Variants in POLA1 observed in about 807,000 individuals in gnomAD.
POLA1 encodes DNA polymerase alpha catalytic subunit.
POLA1 carries 15 observed loss-of-function variants against 124.0 expected under a neutral mutation model. The observed-to-expected ratio is 0.12, with a 90% CI of 0.08 to 0.19. The LOEUF (loss-of-function observed/expected upper bound fraction) is 0.19. POLA1 is among the 10% of genes least tolerant of loss of function. The pLI is 1.00. For missense variants in POLA1, 886 were observed against 1,103.4 expected (o/e 0.80, Z 2.79); for synonymous variants, 408 against 389.4 (o/e 1.05, Z -0.56).
chrX:24,800,771 A>G (rs1298155845), intron 26 of POLA1, among the ~76,000 whole-genome samples: 5 of 112,299 alleles, frequency 4.5e-5, no homozygotes, highest in Non-Finnish European at 5.6e-5. Flanking sequence ...ATAAATAGTC[A>G]TGCTGGGGAC....
chrX:24,960,103 C>T (rs1251888210), intron 36 of POLA1, among the ~76,000 whole-genome samples: 2 of 111,219 alleles, frequency 1.8e-5, no homozygotes, highest in African/African-American at 6.5e-5. Context: ...CCACAGTGTC[C>T]GGTTAGATTC....
chrX:24,883,281 T>C (rs1299799694), intron 34 of POLA1, among the ~76,000 whole-genome samples: 1 of 112,355 alleles, frequency 8.9e-6, no homozygotes, highest in Non-Finnish European at 1.9e-5. Flanking sequence ...AAATATTTTC[T>C]CCCATTCTGT....
intron 34 of POLA1, among the ~76,000 whole-genome samples, chrX:24,859,115 A>G (rs771861696): frequency 1.3e-4 from 14 of 111,280 alleles, no homozygotes; most frequent in Non-Finnish European, 1.7e-4. Flanking sequence ...CTTTAATTCA[A>G]TTCCTGGTCA....
intron 26 of POLA1, among the ~76,000 whole-genome samples, chrX:24,801,915 AGGTG>A (rs1312651067): frequency 4.2e-4 from 20 of 47,356 alleles, no homozygotes; most frequent in African/African-American, 1.3e-3. Flanking sequence ...CCACTAGGAG[AGGTG>A]GGTGGGTGTG....
intron 26 of POLA1, among the ~76,000 whole-genome samples, chrX:24,752,939 G>T (rs1166495736): frequency 9.0e-6 from 1 of 111,487 alleles, no homozygotes; most frequent in Admixed American, 9.5e-5. Context: ...AAAGGGAATT[G>T]GAAATGATTT....
intron 36 of POLA1, among the ~76,000 whole-genome samples, chrX:24,934,836 C>T (rs145558680): frequency 7.1e-5 from 8 of 112,035 alleles, no homozygotes; most frequent in Non-Finnish European, 1.1e-4. Context: ...AATTTTCCTG[C>T]CTCAGCCTCC....
chrX:24,920,447 T>C (rs1210066583), intron 35 of POLA1, among the ~76,000 whole-genome samples: 6 of 110,966 alleles, frequency 5.4e-5, no homozygotes, highest in African/African-American at 2.0e-4. Context: ...GTGAGGGAGG[T>C]ACCAGGTGCA....
chrX:24,756,690 G>A (rs1282430386), intron 26 of POLA1, among the ~76,000 whole-genome samples: 1 of 111,661 alleles, frequency 9.0e-6, no homozygotes, highest in Admixed American at 9.5e-5. Flanking sequence ...GTGTGTCTGT[G>A]CATATGTGTA....
chrX:24,815,067 G>T lies in POLA1; in HGVS notation c.3385G>T (p.Val1129Leu), dbSNP rs764572759. The T allele has an allele frequency of 3.4e-6, 4 of 1,192,792 alleles. No homozygotes were observed. Among genetic ancestry groups the T allele is most frequent in the Non-Finnish European group, 4.5e-6 (4 of 883,909 alleles). Residue 1129 changes from valine to leucine, a missense_variant, in exon 30 of 37, where the codon GTG (valine) becomes TTG (leucine). Around this residue, in one of 7 missense-constraint regions of POLA1, gnomAD observed 313 missense variants for 359.7 expected, o/e 0.87. Coordinates refer to ENST00000379068, the MANE Select transcript of POLA1 (RefSeq NM_001330360.2). The stretch of plus-strand genomic sequence containing the variant: ...GAGGCTGATAGAAATTGGAGAAAAT[G>T]TGCTAAATGGCAGTGTCCCAGTGAG... Reference protein sequence around the residue: ...QKRLIEIGENVLNGSVPVSQF... With the variant: ...QKRLIEIGENLLNGSVPVSQF...
intron 14 of POLA1, 31 bp from the exon 15 acceptor site, chrX:24,727,751 C>T: frequency 8.8e-7 from 1 of 1,133,201 alleles, no homozygotes. Flanking sequence ...CAGTAAATAG[C>T]TATTGATCTG....
In POLA1 at chrX:24,834,447, GTTTATC is replaced by G. The variant is rs2046314339; in HGVS notation, c.3737-7200_3737-7195del. Among the ~76,000 whole-genome samples, 3 of 112,020 alleles carry G rather than the reference GTTTATC, an allele frequency of 2.7e-5. No homozygotes were observed. In the Admixed American group the frequency reaches 2.8e-4, roughly 11 times the overall value. ...TTGTCTGACACTTATACAGTAAATT[GTTTATC>G]TTTAAATTGGATCTGTAGTATTTTA... On this transcript the variant is annotated intron_variant, in intron 32 of 36. Transcript: ENST00000379068.
intron 36 of POLA1, among the ~76,000 whole-genome samples, chrX:24,932,244 A>G (rs1166851986): frequency 1.8e-5 from 2 of 112,194 alleles, no homozygotes; most frequent in Non-Finnish European, 3.8e-5. Flanking sequence ...ATTGTTTTCT[A>G]TATGTTATTT....
intron 32 of POLA1, among the ~76,000 whole-genome samples, chrX:24,837,558 G>T (rs2046358052): frequency 8.9e-6 from 1 of 111,844 alleles, no homozygotes. Flanking sequence ...GCTGCTATGA[G>T]CATTCTGTGG....
intron 34 of POLA1, among the ~76,000 whole-genome samples, chrX:24,875,177 C>T (rs2046915072): frequency 9.0e-6 from 1 of 110,997 alleles, no homozygotes; most frequent in Non-Finnish European, 1.9e-5. Flanking sequence ...GAACAGAAGC[C>T]ACAAAAGAAG....
chrX:24,694,656 C>T (rs1159872827), intron 1 of POLA1, among the ~76,000 whole-genome samples: 2 of 112,142 alleles, frequency 1.8e-5, no homozygotes, highest in Admixed American at 9.5e-5. Context: ...TATATCACTC[C>T]GTTTGTCAGG....
At chrX:24,947,391 C>T (rs2047979902) in intron 36 of POLA1, among the ~76,000 whole-genome samples, 1 of 104,932 alleles carries the variant, frequency 9.5e-6, no homozygotes. Context: ...CTTAAGCCTC[C>T]CAAGTAGCTG....
intron 31 of POLA1, among the ~76,000 whole-genome samples, chrX:24,824,049 C>T (rs754749771): frequency 1.4e-4 from 16 of 111,769 alleles, no homozygotes; most frequent in Non-Finnish European, 2.1e-4. Flanking sequence ...GCCCACTTGT[C>T]TCCAGTTTAA....
At position 24,950,017 on chromosome X, in the gene POLA1, C is replaced by T. The variant is rs180881279; in HGVS notation, c.4261+19468C>T. 1.8e-3 allele frequency among the ~76,000 whole-genome samples: 198 copies of T among 111,957 alleles called. 1 individual carries two copies. The highest frequency in any genetic ancestry group is 2.5e-3 in the Non-Finnish European group (131 of 53,184). ...AAAGTGCTGGGATTACAGGTGTGAG[C>T]CACCACGCCCAGCTACTGTATACTT... is the stretch of plus-strand genomic sequence containing the variant. On this transcript the variant is annotated intron_variant, in intron 36 of 36. Transcript: ENST00000379068.
intron 34 of POLA1, among the ~76,000 whole-genome samples, chrX:24,849,692 G>A (rs1022359746): frequency 1.1e-4 from 11 of 104,196 alleles, no homozygotes; most frequent in Non-Finnish European, 2.0e-4. Context: ...GTGCAGTGGT[G>A]CAATCTCAGC....
Sources: allele counts gnomAD v4.1 joint callset (sites outside exome capture counted in the v4.1 genomes callset), GRCh38; gene constraint gnomAD v4.1.1; regional missense constraint gnomAD v4.1.1; transcripts MANE v1.5; gene names NCBI Gene and HGNC (gene_info 2026-07-23, HGNC 2026-07-21).